The following TPPP variants were observed in gnomAD, a reference collection of about 807,000 sequenced individuals.
TPPP encodes tubulin polymerization promoting protein.
A neutral mutation model predicts 15.5 loss-of-function variants in TPPP; 6 were observed. The ratio of observed to expected loss-of-function variants is 0.39; its 90% CI spans 0.21 to 0.77. The LOEUF (loss-of-function observed/expected upper bound fraction) is 0.77, where lower values mean the gene tolerates loss of function less well. Ranked by LOEUF, TPPP falls within the 30% of genes least tolerant of loss-of-function variation. The probability of loss-of-function intolerance (pLI) is 0.42; values close to 1 mark genes in which losing one functional copy is unlikely to be tolerated. For missense variants in TPPP, 269 were observed against 307.2 expected (o/e 0.88, Z 0.93); for synonymous variants, 146 against 133.9 (o/e 1.09, Z -0.63).
intron 1 of TPPP, among the ~76,000 whole-genome samples, chr5:681,068 G>A (rs1171733181): frequency 1.3e-5 from 2 of 152,214 alleles, no homozygotes; most frequent in Admixed American, 6.5e-5. Context: ...GTGTCAGACG[G>A]ACAACGAGCC....
At chr5:668,241 C>T (rs1249349625) in intron 2 of TPPP, among the ~76,000 whole-genome samples, 3 of 80,748 alleles carry the variant, frequency 3.7e-5, no homozygotes, top group East Asian at 4.4e-4. Flanking sequence ...GTGTGGGCGC[C>T]GTCAGGGAAG....
chr5:699,181 G>C, the TPPP span, among the ~76,000 whole-genome samples: 1 of 152,112 alleles, frequency 6.6e-6, no homozygotes, highest in Non-Finnish European at 1.5e-5. Flanking sequence ...ACTAGCCAAA[G>C]CAATCCAAAG....
At chr5:668,857 C>T (rs1368351518) in intron 2 of TPPP, among the ~76,000 whole-genome samples, 1 of 152,226 alleles carries the variant, frequency 6.6e-6, no homozygotes, top group African/African-American at 2.4e-5. Flanking sequence ...CGAGAACAAG[C>T]CCAGGATACG....
chr5:696,685 C>A (rs1420474483), upstream of TPPP, among the ~76,000 whole-genome samples: 32 of 79,854 alleles, frequency 4.0e-4, 9 homozygotes, highest in African/African-American at 1.4e-3. Context: ...GGGTCCTTGG[C>A]AGCTTAGGGA....
chr5:688,324 C>T (rs531177598), intron 1 of TPPP, among the ~76,000 whole-genome samples: 67 of 145,448 alleles, frequency 4.6e-4, no homozygotes, highest in Middle Eastern at 3.4e-3. Context: ...CGGGCATCCC[C>T]GTGGGAGTGT....
rs747922550 is a variant in TPPP, at chr5:677,998, G to A, written c.63C>T (p.Asp21=). The A allele has an allele frequency of 8.1e-6, 13 of 1,606,216 alleles. No individual in the cohort carries two copies. Among genetic ancestry groups the A allele is most frequent in the African/African-American group, 1.3e-5 (1 of 74,712 alleles). Residue 21 remains aspartate (D), a synonymous_variant, in exon 2 of 4, where the codon GAC becomes GAT. Transcript: ENST00000360578. ...TCTTGGCTGCCCGGTCCTTCGAGGG[G>A]TCCCCCGGGGACTTGGGGGGCGTCC... ...ANRTPPKSPG[D]PSKDRAAKRL... is the part of the protein sequence containing the mutation.
chr5:675,348 C>A, intron 2 of TPPP, among the ~76,000 whole-genome samples: 1 of 15,076 alleles, frequency 6.6e-5, no homozygotes, highest in African/African-American at 2.8e-4. Context: ...GCTGGGGGTG[C>A]AGTGTGGGGG....
intron 3 of TPPP, 45 bp downstream of exon 3, chr5:665,924 GC>G (rs1425264834): frequency 2.1e-5 from 1 of 47,270 alleles, no homozygotes; most frequent in Non-Finnish European, 3.1e-5. Context: ...TCCAGGCCCC[GC>G]CCCCACCCCC....
intron 2 of TPPP, among the ~76,000 whole-genome samples, chr5:673,054 C>CAA (rs1740278011): frequency 2.0e-5 from 3 of 152,190 alleles, no homozygotes; most frequent in Non-Finnish European, 2.9e-5. Flanking sequence ...CAGCAGCTTT[C>CAA]TGCAGTACCG....
rs1212522522 is a variant in TPPP at position 679,583 on chromosome 5, G to A, written c.-4-1519C>T. 2.0e-5 allele frequency among the ~76,000 whole-genome samples: 3 copies of A among 152,098 alleles called. No homozygotes were observed. In the East Asian group the frequency reaches 5.8e-4, roughly 29 times the overall value. On this transcript the variant is annotated intron_variant, in intron 1 of 3. Transcript: ENST00000360578. ...TGGGCCTCTGCAGCAGGGGTCGCTG[G>A]ACAGGAGGAGCAGCTGAGAAATTAC...
At chr5:670,745 G>A (rs776683268) in intron 2 of TPPP, among the ~76,000 whole-genome samples, 8 of 152,128 alleles carry the variant, frequency 5.3e-5, no homozygotes, top group Non-Finnish European at 8.8e-5. Context: ...CCTGCCTCCC[G>A]CAAGCCCCAG....
upstream of TPPP, among the ~76,000 whole-genome samples, chr5:697,930 C>A (rs1380685757): frequency 1.1e-3 from 163 of 143,814 alleles, no homozygotes; most frequent in African/African-American, 4.0e-3. Context: ...ATGCAAAAAT[C>A]CTCAACGAAA....
intron 1 of TPPP, chr5:692,771 C>A: frequency 1.1e-6 from 1 of 951,216 alleles, no homozygotes; most frequent in Non-Finnish European, 1.3e-6. Context: ...TGTCAGGACC[C>A]TGAGATGGGC....
intron 1 of TPPP, among the ~76,000 whole-genome samples, chr5:679,458 C>T (rs200880112): frequency 0.075 from 10,105 of 134,798 alleles, 757 homozygotes; most frequent in African/African-American, 0.17. Context: ...GTGGAAGGGC[C>T]AGGTCAGGTG....
Position 693,263 on chromosome 5 carries a change from C to T in TPPP, c.-5+15G>A, listed in dbSNP as rs1740942134. ...CCGCGCCGCGCCCGCGGGACCGAGC[C>T]CCGCGCCCGCTTACCTTGGAGACGC... On this transcript the variant is annotated intron_variant, in intron 1 of 3. Coordinates refer to ENST00000360578, the MANE Select transcript of TPPP (RefSeq NM_007030.3). 6.7e-6 allele frequency: 1 copy of T among 150,042 alleles called. No individual in the cohort carries two copies. Among genetic ancestry groups the T allele is most frequent in the Admixed American group, 6.7e-5 (1 of 15,016 alleles). The allele number at this position is 150,042 out of a possible 1,614,324, so 9.3% of individuals were successfully genotyped here.
chr5:666,245 C>T (rs991451225), intron 2 of TPPP, 122 bp from the exon 3 acceptor site: 43 of 1,164,380 alleles, frequency 3.7e-5, no homozygotes, highest in East Asian at 4.9e-5. Context: ...CACCCACAGG[C>T]GGCCGCCCTG....
Position 666,181 on chromosome 5 carries a change from C to A in TPPP, c.312-58G>T. ...CGGGCCGGCCCAGGGCTGCCCTCCC[C>A]ACGCGTGGGTCTGAGCAGAGCTGGA... On this transcript the variant is annotated intron_variant, in intron 2 of 3. Transcript: ENST00000360578. 6.3e-6 allele frequency: 10 copies of A among 1,582,864 alleles called. No individual in the cohort carries two copies. In the South Asian group the frequency reaches 6.8e-5, roughly 11 times the overall value.
intron 2 of TPPP, among the ~76,000 whole-genome samples, chr5:669,991 C>T (rs1022784365): frequency 5.5e-4 from 84 of 152,312 alleles, no homozygotes; most frequent in African/African-American, 1.9e-3. Flanking sequence ...CCCAGCCCGG[C>T]GCCCTGCCCC....
intron 1 of TPPP, among the ~76,000 whole-genome samples, chr5:680,268 A>G (rs1317725885): frequency 1.7e-5 from 2 of 114,858 alleles, no homozygotes; most frequent in Non-Finnish European, 3.5e-5. Context: ...GAGGGCAGAA[A>G]GGAACAGGGG....
Sources: allele counts gnomAD v4.1 joint callset (sites outside exome capture counted in the v4.1 genomes callset), GRCh38; gene constraint gnomAD v4.1.1; transcripts MANE v1.5; gene names NCBI Gene and HGNC (gene_info 2026-07-23, HGNC 2026-07-21).